KCND2: variants seen among roughly 807,000 people sequenced by gnomAD.
The protein encoded by KCND2 is potassium voltage-gated channel subfamily D member 2.
In KCND2, 16 loss-of-function variants were observed where a neutral mutation model predicts 54.4. That is an observed-to-expected ratio of 0.29 (90% CI 0.20 to 0.45). The LOEUF is 0.45. Ranked by LOEUF, KCND2 falls within the 20% of genes least tolerant of loss-of-function variation. The pLI, the probability that KCND2 is intolerant of heterozygous loss-of-function variation, is 1.00. For synonymous variants in KCND2, 317 were observed against 310.7 expected (o/e 1.02, Z -0.21); for missense variants, 486 against 824.2 (o/e 0.59, Z 5.02).
At chr7:120,341,801 C>T (rs1017626221) in intron 1 of KCND2, among the ~76,000 whole-genome samples, 1 of 151,870 alleles carries the variant, frequency 6.6e-6, no homozygotes, top group African/African-American at 2.4e-5. Context: ...GGCAGTTAGG[C>T]AGGAGATAAA....
At chr7:120,614,918 T>C (rs1403256481) in intron 1 of KCND2, among the ~76,000 whole-genome samples, 1 of 152,222 alleles carries the variant, frequency 6.6e-6, no homozygotes, top group African/African-American at 2.4e-5. Context: ...TTAGGCTTTC[T>C]GTGTTATCCC....
At chr7:120,482,591 G>A (rs142532724) in intron 1 of KCND2, among the ~76,000 whole-genome samples, 21 of 152,276 alleles carry the variant, frequency 1.4e-4, no homozygotes, top group African/African-American at 5.1e-4. Flanking sequence ...CATTAATGCT[G>A]TTATCATGGG....
At chr7:120,509,403 A>T (rs1803078788) in intron 1 of KCND2, among the ~76,000 whole-genome samples, 1 of 152,076 alleles carries the variant, frequency 6.6e-6, no homozygotes, top group Non-Finnish European at 1.5e-5. Flanking sequence ...GAATCTTTGT[A>T]AATCTTCAAT....
At chr7:120,467,754 A>C (rs1169517197) in intron 1 of KCND2, among the ~76,000 whole-genome samples, 2 of 152,074 alleles carry the variant, frequency 1.3e-5, no homozygotes, top group South Asian at 4.1e-4. Context: ...TAAGCTATAC[A>C]CAACACACGT....
At chr7:120,356,258 T>C (rs1290664818) in intron 1 of KCND2, among the ~76,000 whole-genome samples, 4 of 121,470 alleles carry the variant, frequency 3.3e-5, no homozygotes, top group African/African-American at 1.0e-4. Context: ...CTATCCCTGG[T>C]GATTATATAA....
intron 1 of KCND2, among the ~76,000 whole-genome samples, chr7:120,372,157 C>G (rs1039696853): frequency 6.6e-6 from 1 of 151,866 alleles, no homozygotes; most frequent in African/African-American, 2.4e-5. Context: ...AGATCTGTGA[C>G]AGAAATTTTC....
chr7:120,318,023 G>T (rs1189394435), intron 1 of KCND2, among the ~76,000 whole-genome samples: 1 of 152,148 alleles, frequency 6.6e-6, no homozygotes, highest in African/African-American at 2.4e-5. Context: ...GTTCTCTAAG[G>T]TGTGAGGGTT....
intron 1 of KCND2, among the ~76,000 whole-genome samples, chr7:120,724,925 C>A (rs1792714362): frequency 1.3e-5 from 2 of 152,096 alleles, no homozygotes; most frequent in Non-Finnish European, 2.9e-5. Flanking sequence ...ATAAAATATT[C>A]TGTAAAGGAG....
At chr7:120,311,521 A>G (rs528725186) in intron 1 of KCND2, among the ~76,000 whole-genome samples, 5 of 152,278 alleles carry the variant, frequency 3.3e-5, no homozygotes, top group African/African-American at 1.2e-4. Flanking sequence ...GCAATGACTA[A>G]TATTTATTAA....
intron 1 of KCND2, among the ~76,000 whole-genome samples, chr7:120,393,060 A>C (rs1406545154): frequency 6.6e-6 from 1 of 152,030 alleles, no homozygotes; most frequent in Non-Finnish European, 1.5e-5. Flanking sequence ...AAAGTTAATA[A>C]AATTTGATAG....
At chr7:120,411,553 C>G (rs772244664) in intron 1 of KCND2, among the ~76,000 whole-genome samples, 11 of 151,618 alleles carry the variant, frequency 7.3e-5, no homozygotes, top group Non-Finnish European at 1.2e-4. Context: ...CTCAGATCTA[C>G]GCTTTGAGTG....
chr7:120,735,309 A>G (rs1243555688), intron 2 of KCND2, among the ~76,000 whole-genome samples: 5 of 151,976 alleles, frequency 3.3e-5, no homozygotes, highest in Non-Finnish European at 5.9e-5. Context: ...ACCTTCAAAC[A>G]TCACACTCAT....
chr7:120,580,256 G>T (rs1192612140), intron 1 of KCND2, among the ~76,000 whole-genome samples: 4 of 152,206 alleles, frequency 2.6e-5, no homozygotes, highest in Non-Finnish European at 2.9e-5. Flanking sequence ...GTGTTTGGGA[G>T]AACAACTCGT....
chr7:120,483,632 G>T (rs1418309387), intron 1 of KCND2, among the ~76,000 whole-genome samples: 1 of 152,114 alleles, frequency 6.6e-6, no homozygotes, highest in Non-Finnish European at 1.5e-5. Flanking sequence ...GAAACATGAA[G>T]CGTCAAAGTA....
At chr7:120,533,011 C>T (rs184762146) in intron 1 of KCND2, among the ~76,000 whole-genome samples, 11 of 152,146 alleles carry the variant, frequency 7.2e-5, no homozygotes, top group African/African-American at 2.6e-4. Context: ...ATTTTACTCT[C>T]TTCCTTTTAC....
At chr7:120,673,471 T>C (rs1460178277) in intron 1 of KCND2, among the ~76,000 whole-genome samples, 1 of 152,134 alleles carries the variant, frequency 6.6e-6, no homozygotes, top group Non-Finnish European at 1.5e-5. Flanking sequence ...CTGGGAGTTA[T>C]CATTGGTACA....
At chr7:120,509,881 G>A (rs1358344608) in intron 1 of KCND2, among the ~76,000 whole-genome samples, 1 of 151,960 alleles carries the variant, frequency 6.6e-6, no homozygotes, top group African/African-American at 2.4e-5. Context: ...TCTATTATAG[G>A]ATAAGCTTTG....
intron 1 of KCND2, among the ~76,000 whole-genome samples, chr7:120,448,168 A>G (rs1473390708): frequency 6.6e-6 from 1 of 150,872 alleles, no homozygotes; most frequent in African/African-American, 2.4e-5. Flanking sequence ...TCCTAATGCT[A>G]TCCCTCCCCC....
At chr7:120,569,951 G>C (rs1373664745) in intron 1 of KCND2, among the ~76,000 whole-genome samples, 1 of 152,014 alleles carries the variant, frequency 6.6e-6, no homozygotes, top group Non-Finnish European at 1.5e-5. Flanking sequence ...TGCTAATGAT[G>C]CTCAAAACAA....
Sources: allele counts gnomAD v4.1 joint callset (sites outside exome capture counted in the v4.1 genomes callset), GRCh38; gene constraint gnomAD v4.1.1; transcripts MANE v1.5; gene names NCBI Gene and HGNC (gene_info 2026-07-23, HGNC 2026-07-21).